ATP8A1: variants seen among roughly 807,000 people sequenced by gnomAD.
ATP8A1 encodes phospholipid-transporting ATPase IA.
ATP8A1 carries 90 observed loss-of-function variants against 177.7 expected under a neutral mutation model. The ratio of observed to expected loss-of-function variants is 0.51; its 90% CI spans 0.43 to 0.60. ATP8A1 has a LOEUF of 0.60. Ranked by LOEUF, ATP8A1 falls within the 20% of genes least tolerant of loss-of-function variation. The pLI, the probability that ATP8A1 is intolerant of heterozygous loss-of-function variation, is 0.00. For missense variants in ATP8A1, 1,072 were observed against 1,392.8 expected, an observed-to-expected ratio of 0.77 and a Z score of 3.67; for synonymous variants, 493 against 485.9, an observed-to-expected ratio of 1.01 and a Z score of -0.19.
intron 30 of ATP8A1, among the ~76,000 whole-genome samples, chr4:42,450,327 G>A (rs1717797817): frequency 6.6e-6 from 1 of 152,174 alleles, no homozygotes; most frequent in African/African-American, 2.4e-5. Flanking sequence ...AAGGTGTGGA[G>A]AAACAGGGAG....
At chr4:42,555,817 C>T in intron 16 of ATP8A1, 151 bp downstream of exon 16, 1 of 585,372 alleles carries the variant, frequency 1.7e-6, no homozygotes, top group Non-Finnish European at 2.8e-6. Context: ...GAGTGAGACT[C>T]TGTCTCAAAT....
intron 20 of ATP8A1, among the ~76,000 whole-genome samples, chr4:42,535,488 GGGAT>G (rs1727726706): frequency 6.6e-6 from 1 of 151,990 alleles, no homozygotes; most frequent in Non-Finnish European, 1.5e-5. Context: ...CTTATGAAAG[GGGAT>G]AGACAGCAGC....
intron 33 of ATP8A1, 101 bp downstream of exon 33, chr4:42,443,464 A>T: frequency 8.4e-6 from 5 of 595,424 alleles, no homozygotes; most frequent in Non-Finnish European, 1.5e-5. Context: ...CTATTTTAAT[A>T]TAAATCAACA....
intron 1 of ATP8A1, among the ~76,000 whole-genome samples, chr4:42,651,746 G>A (rs558165234): frequency 1.0e-3 from 156 of 152,332 alleles, no homozygotes; most frequent in African/African-American, 3.6e-3. Context: ...ACCATGCTGT[G>A]ACTTTATGGA....
At chr4:42,541,762 G>T (rs1400666117) in intron 20 of ATP8A1, among the ~76,000 whole-genome samples, 1 of 152,118 alleles carries the variant, frequency 6.6e-6, no homozygotes, top group Non-Finnish European at 1.5e-5. Context: ...AAAGAGGCCA[G>T]TCCAGAAAGG....
At chr4:42,577,263 T>TA (rs1398771927) in intron 12 of ATP8A1, among the ~76,000 whole-genome samples, 51 of 152,216 alleles carry the variant, frequency 3.4e-4, no homozygotes, top group African/African-American at 9.2e-4. Context: ...CAATAAGTCT[T>TA]ACTTATATTT....
intron 23 of ATP8A1, among the ~76,000 whole-genome samples, chr4:42,505,451 T>C (rs1320778264): frequency 6.6e-6 from 1 of 152,268 alleles, no homozygotes; most frequent in African/African-American, 2.4e-5. Flanking sequence ...TAGTCTGTTT[T>C]ATCATATTTG....
At chr4:42,592,741 A>G (rs904511602) in intron 6 of ATP8A1, among the ~76,000 whole-genome samples, 2 of 152,088 alleles carry the variant, frequency 1.3e-5, no homozygotes, top group African/African-American at 4.8e-5. Context: ...ATGGTATAGC[A>G]GATTGCTCCT....
At chr4:42,446,149 C>G (rs1273141178) in intron 31 of ATP8A1, among the ~76,000 whole-genome samples, 1 of 148,476 alleles carries the variant, frequency 6.7e-6, no homozygotes, top group Non-Finnish European at 1.5e-5. Flanking sequence ...TCTCCTGAGA[C>G]CTGGATACTG....
chr4:42,597,289 A>T (rs923915821), intron 6 of ATP8A1, among the ~76,000 whole-genome samples: 1 of 152,190 alleles, frequency 6.6e-6, no homozygotes, highest in Non-Finnish European at 1.5e-5. Flanking sequence ...TTTTAATTGG[A>T]CTAAATATCA....
At chr4:42,655,629 C>T (rs1478132785) in intron 1 of ATP8A1, among the ~76,000 whole-genome samples, 4 of 152,172 alleles carry the variant, frequency 2.6e-5, no homozygotes, top group Admixed American at 2.0e-4. Flanking sequence ...ACAGCATGTA[C>T]CGAATTCCTA....
chr4:42,611,512 G>A (rs528780161), intron 5 of ATP8A1, among the ~76,000 whole-genome samples: 7 of 152,150 alleles, frequency 4.6e-5, no homozygotes, highest in South Asian at 2.1e-4. Flanking sequence ...ACAGACCATC[G>A]TCCAGGGAAT....
chr4:42,620,874 A>G (rs188475594), intron 4 of ATP8A1, among the ~76,000 whole-genome samples: 1 of 152,350 alleles, frequency 6.6e-6, no homozygotes, highest in African/African-American at 2.4e-5. Flanking sequence ...GACAAGTTAC[A>G]TGACCTCTCT....
Position 42,452,008 on chromosome 4 carries a change from A to G in ATP8A1, c.2869T>C (p.Trp957Arg). Residue 957 changes from tryptophan (W) to arginine (R), a missense_variant, in exon 30 of 37, where the codon TGG becomes CGG. Around this residue, in one of 5 missense-constraint regions of ATP8A1, gnomAD observed 316 missense variants for 459.1 expected, o/e 0.69. Transcript: ENST00000381668. ...TACTGAAGGGCTTTTAGTGGAAACCAAAACAGAATAACTGAGTGGAAGAGG... is the reference window on the plus strand; with the variant it reads ...TACTGAAGGGCTTTTAGTGGAAACCGAAACAGAATAACTGAGTGGAAGAGG... ...NGLFHSVILFWFPLKALQYGT... is the reference protein window; with the variant it reads ...NGLFHSVILFRFPLKALQYGT... 1 of 1,613,194 alleles carries G rather than the reference A, an allele frequency of 6.2e-7. No homozygotes were observed. The highest frequency in any genetic ancestry group is 8.5e-7 in the Non-Finnish European group (1 of 1,179,436).
chr4:42,460,403 T>C (rs945633760), intron 27 of ATP8A1, among the ~76,000 whole-genome samples: 9 of 125,606 alleles, frequency 7.2e-5, no homozygotes, highest in East Asian at 2.5e-4. Flanking sequence ...TTTTTTTTTT[T>C]CTGAGATGGA....
intron 35 of ATP8A1, among the ~76,000 whole-genome samples, chr4:42,419,717 G>A (rs1173907501): frequency 2.0e-5 from 3 of 152,216 alleles, no homozygotes; most frequent in African/African-American, 7.2e-5. Flanking sequence ...AATTTGCTAA[G>A]TTTTGGCTGG....
chr4:42,552,385 G>T, intron 17 of ATP8A1, 120 bp downstream of exon 17: 1 of 743,592 alleles, frequency 1.3e-6, no homozygotes, highest in Non-Finnish European at 2.2e-6. Context: ...TTTTCTAATT[G>T]GTAAATAAAA....
At chr4:42,479,414 A>G (rs1354568246) in intron 25 of ATP8A1, among the ~76,000 whole-genome samples, 2 of 152,256 alleles carry the variant, frequency 1.3e-5, no homozygotes, top group African/African-American at 4.8e-5. Context: ...GGAAACCATC[A>G]TGGGTTCAGG....
intron 33 of ATP8A1, among the ~76,000 whole-genome samples, chr4:42,440,080 A>C (rs1162487336): frequency 6.6e-6 from 1 of 152,172 alleles, no homozygotes; most frequent in Non-Finnish European, 1.5e-5. Context: ...TGTTCATGGC[A>C]AACACAACGG....
Sources: gnomAD v4.1 joint callset for allele counts (sites outside exome capture counted in the v4.1 genomes callset) on GRCh38, gnomAD v4.1.1 for gene constraint, gnomAD v4.1.1 regional missense constraint, MANE v1.5 for transcripts, NCBI Gene and HGNC (gene_info 2026-07-23, HGNC 2026-07-21) for gene names.